ASB2: variants seen among roughly 807,000 people sequenced by gnomAD.
ASB2 encodes the protein ankyrin repeat and SOCS box protein 2.
Under a neutral mutation model 62.4 loss-of-function variants are expected in ASB2, and 58 were observed. The ratio of observed to expected loss-of-function variants is 0.93; its 90% confidence interval spans 0.75 to 1.16. The LOEUF is 1.16. Among genes scored for constraint, ASB2 ranks in the 50% most tolerant of loss-of-function variants. The pLI, the probability that ASB2 is intolerant of heterozygous loss-of-function variation, is 0.00. For missense variants in ASB2, 928 were observed against 887.9 expected (o/e 1.05, Z -0.57); for synonymous variants, 386 against 385.3 (o/e 1.00, Z -0.02).
intron 1 of ASB2, among the ~76,000 whole-genome samples, chr14:93,974,703 C>A (rs968984535): frequency 1.3e-5 from 2 of 152,212 alleles, no homozygotes; most frequent in Non-Finnish European, 2.9e-5. Flanking sequence ...AGCCGTCCAG[C>A]CTTAAGCAAG....
intron 8 of ASB2, among the ~76,000 whole-genome samples, chr14:93,938,236 T>TTTTTTC (rs1888348449): frequency 8.3e-6 from 1 of 119,882 alleles, no homozygotes; most frequent in East Asian, 2.5e-4. Context: ...GTTCTGACTT[T>TTTTTTC]TTTTTTTTTT....
At chr14:93,955,957 T>C (rs111731722) in intron 3 of ASB2, among the ~76,000 whole-genome samples, 15 of 152,252 alleles carry the variant, frequency 9.9e-5, no homozygotes, top group African/African-American at 3.6e-4. Flanking sequence ...TTCCAGATTG[T>C]CAACCACTCC....
At chr14:93,950,413 T>C (rs1021051982) in intron 6 of ASB2, among the ~76,000 whole-genome samples, 1 of 152,218 alleles carries the variant, frequency 6.6e-6, no homozygotes, top group Non-Finnish European at 1.5e-5. Context: ...CCCATTAAGA[T>C]ATTTCACAGG....
intron 9 of ASB2, among the ~76,000 whole-genome samples, chr14:93,935,737 C>T (rs1438160019): frequency 6.6e-6 from 1 of 152,180 alleles, no homozygotes; most frequent in Non-Finnish European, 1.5e-5. Context: ...CGTTGCCTAG[C>T]GAAGCATTCA....
chr14:93,971,290 G>T (rs76043527), intron 1 of ASB2, among the ~76,000 whole-genome samples: 2 of 152,146 alleles, frequency 1.3e-5, no homozygotes. Context: ...GGATCTCCAC[G>T]CCCTCCCCCG....
chr14:93,955,307 G>GCCACTTCCTCCAGCGTGAGCA, intron 3 of ASB2: 1 of 373,770 alleles, frequency 2.7e-6, no homozygotes, highest in Non-Finnish European at 5.3e-6. Flanking sequence ...CACTCTCCCA[G>GCCACTTCCTCCAGCGTGAGCA]CCACTTCCTC....
At chr14:93,938,338 C>A (rs759784741) in intron 8 of ASB2, among the ~76,000 whole-genome samples, 30 of 147,460 alleles carry the variant, frequency 2.0e-4, no homozygotes, top group Non-Finnish European at 4.1e-4. Flanking sequence ...CTCCTGGGTG[C>A]ACGTCATTCT....
At chr14:93,954,045 T>C (rs1889078851) in intron 4 of ASB2, 2 of 527,056 alleles carry the variant, frequency 3.8e-6, no homozygotes, top group East Asian at 6.5e-5. Flanking sequence ...TGGAACAAGT[T>C]GGCAGTGGTT....
chr14:93,935,694 G>A (rs1888249363), intron 9 of ASB2, among the ~76,000 whole-genome samples: 1 of 152,234 alleles, frequency 6.6e-6, no homozygotes, highest in South Asian at 2.1e-4. Flanking sequence ...CAGGTGGGAT[G>A]TGGAGCAAGG....
Position 93,954,470 on chromosome 14 carries a change from AGGGGTCC to A in ASB2, c.318_324del (p.Asp107Ter). ...TCGCCATCCTTGATGGCCTTTATCAAGGGGTCCGCAGGCCTGTGAGAGGAAGGAGTGG... is the reference window on the plus strand; with the variant it reads ...TCGCCATCCTTGATGGCCTTTATCAAGCAGGCCTGTGAGAGGAAGGAGTGG... On this transcript the variant is annotated frameshift_variant, in exon 4 of 10. Transcript: ENST00000555019. LOFTEE classifies it high-confidence loss of function. 1 of 1,614,178 alleles carries A rather than the reference AGGGGTCC, an allele frequency of 6.2e-7. No homozygotes were observed. The highest frequency in any genetic ancestry group is 1.7e-5 in the Admixed American group (1 of 60,028).
At chr14:93,957,503 T>A in intron 2 of ASB2, 1 of 575,598 alleles carries the variant, frequency 1.7e-6, no homozygotes, top group Non-Finnish European at 2.2e-6. Context: ...ACATCTGGGC[T>A]CTGGCACTCC....
At chr14:93,957,436 T>C in intron 2 of ASB2, 1 of 984,748 alleles carries the variant, frequency 1.0e-6, no homozygotes, top group Non-Finnish European at 1.2e-6. Flanking sequence ...AGTGTTATTA[T>C]AGGATGCATG....
intron 1 of ASB2, among the ~76,000 whole-genome samples, chr14:93,967,750 A>G (rs929025920): frequency 3.3e-5 from 5 of 152,130 alleles, no homozygotes; most frequent in African/African-American, 1.2e-4. Flanking sequence ...GGGATCCCCT[A>G]TGGCCGTGTC....
At chr14:93,937,410 C>T (rs1016213861) in intron 9 of ASB2, among the ~76,000 whole-genome samples, 1 of 152,212 alleles carries the variant, frequency 6.6e-6, no homozygotes, top group Non-Finnish European at 1.5e-5. Context: ...CCCGGTACCC[C>T]TCAGGGAGCT....
At chr14:93,966,896 T>G (rs1026206989) in intron 1 of ASB2, among the ~76,000 whole-genome samples, 1 of 152,104 alleles carries the variant, frequency 6.6e-6, no homozygotes, top group Admixed American at 6.5e-5. Flanking sequence ...TCAATGAGAT[T>G]AATATGTCAG....
At position 93,934,426 on chromosome 14, in the gene ASB2, G is replaced by C. The variant is rs1235664334; in HGVS notation, c.*230C>G. The C allele has an allele frequency of 5.5e-6, 3 of 547,986 alleles. No homozygotes were observed. Among genetic ancestry groups the C allele is most frequent in the African/African-American group, 1.9e-5 (1 of 52,664 alleles). The allele number at this position is 547,986 out of a possible 1,614,324, so 33.9% of individuals were successfully genotyped here. ...TGAAGGTAGAGAAGGTCTGGGATCT[G>C]CTCATCAGTTTGTAAACAAATGATT... On this transcript the variant is annotated 3_prime_UTR_variant, in exon 10 of 10. Coordinates refer to ENST00000555019, the MANE Select transcript of ASB2 (RefSeq NM_001202429.2).
intron 3 of ASB2, chr14:93,955,136 C>T (rs764213447): frequency 1.2e-4 from 53 of 456,642 alleles, no homozygotes; most frequent in East Asian, 8.3e-4. Flanking sequence ...GTGAGAACCA[C>T]GATGTCTATG....
intron 7 of ASB2, 46 bp from the exon 8 acceptor site, chr14:93,939,718 T>C: frequency 1.5e-6 from 2 of 1,344,286 alleles, no homozygotes; most frequent in Non-Finnish European, 1.9e-6. Context: ...GGTCGGGGTG[T>C]GGACGGGTAG....
chr14:93,949,054 C>T (rs908113358), intron 6 of ASB2, among the ~76,000 whole-genome samples: 1 of 152,224 alleles, frequency 6.6e-6, no homozygotes, highest in Non-Finnish European at 1.5e-5. Context: ...TTCATCTCCT[C>T]GGGCAGGGGG....
Sources: allele counts gnomAD v4.1 joint callset (sites outside exome capture counted in the v4.1 genomes callset), GRCh38; gene constraint gnomAD v4.1.1; transcripts MANE v1.5; gene names NCBI Gene and HGNC (gene_info 2026-07-23, HGNC 2026-07-21).